The following C1orf87 variants were observed in gnomAD, a reference collection of about 807,000 sequenced individuals.
C1orf87 encodes the protein chromosome 1 open reading frame 87, also known as uncharacterized protein C1orf87.
A neutral mutation model predicts 60.5 loss-of-function variants in C1orf87; 58 were observed. The ratio of observed to expected loss-of-function variants is 0.96; its 90% confidence interval spans 0.78 to 1.19. The LOEUF is 1.19. Among genes scored for constraint, C1orf87 ranks in the 50% most tolerant of loss-of-function variants. The pLI is 0.00. For synonymous variants in C1orf87, 236 were observed against 227.4 expected, an observed-to-expected ratio of 1.04 and a Z score of -0.34; for missense variants, 673 against 638.6, an observed-to-expected ratio of 1.05 and a Z score of -0.58.
intron 9 of C1orf87, among the ~76,000 whole-genome samples, chr1:60,003,950 C>T (rs1645025424): frequency 6.6e-6 from 1 of 151,932 alleles, no homozygotes; most frequent in African/African-American, 2.4e-5. Flanking sequence ...ATGATGGCAT[C>T]CAGTTAGGGC....
At chr1:60,067,092 A>G (rs187190980) in intron 2 of C1orf87, among the ~76,000 whole-genome samples, 1 of 152,254 alleles carries the variant, frequency 6.6e-6, no homozygotes, top group Non-Finnish European at 1.5e-5. Flanking sequence ...TTGGCATTTG[A>G]GTTGGTTCCA....
intron 10 of C1orf87, among the ~76,000 whole-genome samples, chr1:59,998,854 G>T (rs972327199): frequency 6.6e-6 from 1 of 152,146 alleles, no homozygotes; most frequent in Non-Finnish European, 1.5e-5. Context: ...AGGAAGTCTT[G>T]ATGGTGTTAG....
rs147203893 is a variant in C1orf87, at chr1:60,053,525, A to T, written c.342+1679T>A. ...TGTTAGTTCTGAGTACAACTCTCAC[A>T]GAACCATTAAAGATGATGCGTAGGA... On this transcript the variant is annotated intron_variant, in intron 3 of 11. Transcript: ENST00000371201. Among the ~76,000 whole-genome samples the T allele has an allele frequency of 3.2e-3, 481 of 152,314 alleles. 3 individuals carry two copies. Among genetic ancestry groups the T allele is most frequent in the African/African-American group, 9.8e-3 (409 of 41,572 alleles).
chr1:60,019,976 A>T (rs572533642), intron 8 of C1orf87, among the ~76,000 whole-genome samples: 1 of 152,344 alleles, frequency 6.6e-6, no homozygotes, highest in South Asian at 2.1e-4. Context: ...TTATAGCCTG[A>T]CTATGAGGTA....
intron 11 of C1orf87, 148 bp from the exon 12 acceptor site, chr1:59,990,981 TA>T: frequency 1.4e-6 from 1 of 708,942 alleles, no homozygotes. Context: ...AGTGGCATAT[TA>T]AAAAATATTT....
intron 2 of C1orf87, among the ~76,000 whole-genome samples, chr1:60,071,279 C>T (rs1365035469): frequency 6.6e-6 from 1 of 152,114 alleles, no homozygotes; most frequent in African/African-American, 2.4e-5. Context: ...TGGAAAGGTG[C>T]TTTGCATACT....
intron 6 of C1orf87, among the ~76,000 whole-genome samples, 200 bp downstream of exon 6, chr1:60,037,792 G>T (rs1284896030): frequency 6.6e-6 from 1 of 152,216 alleles, no homozygotes; most frequent in Non-Finnish European, 1.5e-5. Context: ...GGAGAAGTCA[G>T]CAGTGTGCAT....
chr1:60,044,166 A>G (rs953014063), intron 3 of C1orf87, among the ~76,000 whole-genome samples: 4 of 152,178 alleles, frequency 2.6e-5, no homozygotes, highest in African/African-American at 9.7e-5. Context: ...AGTAGCTGGG[A>G]CTACAGGCGC....
intron 2 of C1orf87, among the ~76,000 whole-genome samples, chr1:60,068,008 G>T (rs113427448): frequency 0.023 from 3,559 of 152,150 alleles, 71 homozygotes; most frequent in Non-Finnish European, 0.035. Flanking sequence ...GTTTTTGTCA[G>T]GTTTGTTGAA....
chr1:60,032,281 T>C (rs888922662), intron 7 of C1orf87, among the ~76,000 whole-genome samples: 1 of 152,260 alleles, frequency 6.6e-6, no homozygotes, highest in East Asian at 1.9e-4. Flanking sequence ...TCTTGTATAT[T>C]GAACTCAATG....
chr1:60,000,385 T>C (rs1465277931), intron 10 of C1orf87, among the ~76,000 whole-genome samples: 1 of 152,168 alleles, frequency 6.6e-6, no homozygotes, highest in Admixed American at 6.6e-5. Flanking sequence ...AAGCATTTGC[T>C]GTTGTTTCTT....
At chr1:60,039,064 C>T (rs1409211449) in intron 5 of C1orf87, among the ~76,000 whole-genome samples, 1 of 152,152 alleles carries the variant, frequency 6.6e-6, no homozygotes, top group Non-Finnish European at 1.5e-5. Context: ...TATCACATTA[C>T]TAAATCCTGA....
chr1:59,995,023 A>C (rs1192503520), intron 11 of C1orf87, among the ~76,000 whole-genome samples: 2 of 152,184 alleles, frequency 1.3e-5, no homozygotes, highest in Non-Finnish European at 2.9e-5. Context: ...AATGAATTTC[A>C]TGGAAACAGA....
At chr1:60,006,574 A>C (rs954382865) in intron 9 of C1orf87, among the ~76,000 whole-genome samples, 2 of 151,628 alleles carry the variant, frequency 1.3e-5, no homozygotes, top group African/African-American at 4.9e-5. Flanking sequence ...CAGCAGTCAT[A>C]CTGGAACTCT....
chr1:59,997,918 G>T, intron 10 of C1orf87, 102 bp from the exon 11 acceptor site: 2 of 1,166,762 alleles, frequency 1.7e-6, no homozygotes, highest in Non-Finnish European at 2.4e-6. Flanking sequence ...TTTATAGCAA[G>T]GTTTGAGTTT....
intron 2 of C1orf87, among the ~76,000 whole-genome samples, chr1:60,061,188 TA>T (rs1190048313): frequency 6.6e-6 from 1 of 152,178 alleles, no homozygotes; most frequent in Non-Finnish European, 1.5e-5. Context: ...CAGGAATATA[TA>T]AAAAGATGAT....
At chr1:60,021,026 T>C (rs1170392582) in intron 8 of C1orf87, among the ~76,000 whole-genome samples, 1 of 152,200 alleles carries the variant, frequency 6.6e-6, no homozygotes. Flanking sequence ...GGTTTAAAAC[T>C]GTGGCACTTC....
intron 8 of C1orf87, among the ~76,000 whole-genome samples, chr1:60,021,958 A>G (rs1645166269): frequency 1.3e-5 from 2 of 152,154 alleles, no homozygotes; most frequent in African/African-American, 4.8e-5. Context: ...CTTTCAAGGT[A>G]GAGGGAACAT....
intron 3 of C1orf87, among the ~76,000 whole-genome samples, chr1:60,041,332 G>T (rs957714871): frequency 6.6e-6 from 1 of 152,132 alleles, no homozygotes; most frequent in African/African-American, 2.4e-5. Flanking sequence ...AGCATTATAC[G>T]CTTGACACAT....
Sources: gnomAD v4.1 joint callset for allele counts (sites outside exome capture counted in the v4.1 genomes callset) on GRCh38, gnomAD v4.1.1 for gene constraint, MANE v1.5 for transcripts, NCBI Gene and HGNC (gene_info 2026-07-23, HGNC 2026-07-21) for gene names.